EP400: variants seen among roughly 807,000 people sequenced by gnomAD.
The protein encoded by EP400 is E1A-binding protein p400.
A neutral mutation model predicts 354.1 loss-of-function variants in EP400; 105 were observed. That is an observed-to-expected ratio of 0.30 (90% CI 0.25 to 0.35). The LOEUF is 0.35. Ranked by LOEUF, EP400 falls within the 10% of genes least tolerant of loss-of-function variation. The pLI is 1.00. For missense variants in EP400, 3,280 were observed against 4,121.0 expected (o/e 0.80, Z 5.59); for synonymous variants, 1,646 against 1,716.9 (o/e 0.96, Z 1.02).
At chr12:132,021,470 G>A in intron 23 of EP400, 149 bp downstream of exon 23, 1 of 1,221,162 alleles carries the variant, frequency 8.2e-7, no homozygotes, top group Non-Finnish European at 1.1e-6. Flanking sequence ...CAGTGCAGCT[G>A]CCTCCGGCAT....
At chr12:131,965,185 G>T (rs1010146776) in intron 2 of EP400, among the ~76,000 whole-genome samples, 1 of 152,210 alleles carries the variant, frequency 6.6e-6, no homozygotes, top group Non-Finnish European at 1.5e-5. Context: ...CCTATAACTA[G>T]TAATGTTAAC....
chr12:131,995,055 G>A, intron 12 of EP400, 99 bp downstream of exon 12: 1 of 1,180,090 alleles, frequency 8.5e-7, no homozygotes, highest in Non-Finnish European at 1.2e-6. Context: ...AACAGCAGCA[G>A]TGCCTGTTTT....
Position 132,062,390 on chromosome 12 carries a change from GC to G in EP400, c.8098+68del. Reference sequence around the variant, plus strand: ...TGGCGCGTGTGAGGGCTCAGCTGCTGCTTGCTGTCTGAGAATGAGGATCTGA... The same window carrying G: ...TGGCGCGTGTGAGGGCTCAGCTGCTGTTGCTGTCTGAGAATGAGGATCTGA... On this transcript the variant is annotated intron_variant, in intron 46 of 52. Coordinates refer to ENST00000389561, the MANE Select transcript of EP400 (RefSeq NM_015409.5). The G allele has an allele frequency of 1.9e-6, 3 of 1,610,232 alleles. 1 individual carries two copies. In the South Asian group the frequency reaches 3.3e-5, roughly 18 times the overall value.
intron 19 of EP400, 122 bp downstream of exon 19, chr12:132,014,035 C>G: frequency 2.2e-6 from 3 of 1,337,006 alleles, no homozygotes; most frequent in Non-Finnish European, 3.1e-6. Context: ...GAGCTGGAGA[C>G]CGAGGCACCC....
Position 132,050,252 on chromosome 12 carries a change from A to G in EP400, c.7201-71A>G. The G allele has an allele frequency of 6.4e-7, 1 of 1,566,316 alleles. No homozygotes were observed. Among genetic ancestry groups the G allele is most frequent in the Non-Finnish European group, 8.7e-7 (1 of 1,150,162 alleles). ...TTTAGCCTCAGATTCCCACCCAGTG[A>G]GCCCTGTGTCCCACGCAGCCGTCTG... On this transcript the variant is annotated intron_variant, in intron 39 of 52. Transcript: ENST00000389561. This position sits in a 1 kb window ranked among gnomAD's most constrained non-coding sequence, Gnocchi z 4.8.
intron 30 of EP400, among the ~76,000 whole-genome samples, chr12:132,034,955 A>T (rs1282463686): frequency 6.6e-6 from 1 of 152,212 alleles, no homozygotes; most frequent in African/African-American, 2.4e-5. Flanking sequence ...CGTTGTACAG[A>T]TACGGTGAGC....
intron 46 of EP400, 34 bp from the exon 47 acceptor site, chr12:132,062,432 C>T: frequency 6.2e-7 from 1 of 1,611,856 alleles, no homozygotes; most frequent in Non-Finnish European, 8.5e-7. Flanking sequence ...GGCGAGTATC[C>T]CTGTCCAGAC....
chr12:132,009,013 A>G (rs1161627557), intron 15 of EP400, among the ~76,000 whole-genome samples: 1 of 139,264 alleles, frequency 7.2e-6, no homozygotes, highest in Non-Finnish European at 1.5e-5. Flanking sequence ...TCCCAGGTGC[A>G]AGTGATCCTC....
chr12:131,959,717 T>C (rs1221727337), intron 1 of EP400, among the ~76,000 whole-genome samples: 2 of 152,212 alleles, frequency 1.3e-5, no homozygotes, highest in Non-Finnish European at 2.9e-5. Flanking sequence ...CTTCTCACAG[T>C]TTCTTCTCTT....
At chr12:132,058,876 TCA>T (rs920320602) in intron 45 of EP400, among the ~76,000 whole-genome samples, 26 of 150,774 alleles carry the variant, frequency 1.7e-4, no homozygotes, top group Admixed American at 1.3e-3. Flanking sequence ...AGCCTCACAC[TCA>T]CAGGCTGAAG....
chr12:131,999,232 C>T (rs1033794125), intron 12 of EP400, among the ~76,000 whole-genome samples: 1 of 152,042 alleles, frequency 6.6e-6, no homozygotes, highest in African/African-American at 2.4e-5. Flanking sequence ...AATGGGATAA[C>T]CAGTGTTCTT....
chr12:132,005,030 AGTT>A (rs775893813), intron 12 of EP400, 44 bp from the exon 13 acceptor site: 200 of 1,419,742 alleles, frequency 1.4e-4, no homozygotes, highest in Admixed American at 1.6e-4. Context: ...TTTAAATTAC[AGTT>A]GTTGTTATAA....
rs190471718 is a variant in EP400, at chr12:131,970,873, C to A, written c.1336-8821C>A. Reference sequence around the variant, plus strand: ...TTTGTTTGGTGAGAATGGCTAAGATCTACTCTTTCAGCAAGTTCCAAGTAT... The same window carrying A: ...TTTGTTTGGTGAGAATGGCTAAGATATACTCTTTCAGCAAGTTCCAAGTAT... On this transcript the variant is annotated intron_variant, in intron 2 of 52. Transcript: ENST00000389561. Among the ~76,000 whole-genome samples, 238 of 152,268 alleles carry A rather than the reference C, an allele frequency of 1.6e-3. 1 individual carries two copies. The highest frequency in any genetic ancestry group is 5.5e-3 in the African/African-American group (227 of 41,548).
chr12:132,062,522 A>G lies in EP400; in HGVS notation c.8155A>G (p.Arg2719Gly), dbSNP rs1252013629. The change falls in exon 47 of 53, where the codon AGG (arginine) becomes GGG (glycine). Residue 2719 changes from arginine (R) to glycine (G), a missense_variant. Physicochemically the swap from Arg to Gly is moderately radical, Grantham distance 125 (BLOSUM62 -2). Transcript: ENST00000389561. ...CACACCTGCACATTTCCAGCTTCTC[A>G]GGCAGCAGCAGCAGCAGCAGCAACA... ...TITPAHFQLL[R>G]QQQQQQQQQQ... 6.3e-7 allele frequency: 1 copy of G among 1,594,084 alleles called. No individual in the cohort carries two copies. The highest frequency in any genetic ancestry group is 8.5e-7 in the Non-Finnish European group (1 of 1,175,688).
In EP400 at chr12:132,027,203, G is replaced by A. The variant is rs1375119680; in HGVS notation, c.5015-234G>A. On this transcript the variant is annotated intron_variant, in intron 25 of 52. Coordinates refer to ENST00000389561, the MANE Select transcript of EP400 (RefSeq NM_015409.5). This position sits in a 1 kb window ranked among gnomAD's most constrained non-coding sequence, Gnocchi z 4.9. ...AAGCTGCTGGCTCCATTCAGCTCCA[G>A]TCATGGCCTGCGAGCCAGCATGCTT... is the stretch of plus-strand genomic sequence containing the variant. 6.6e-6 allele frequency among the ~76,000 whole-genome samples: 1 copy of A among 152,222 alleles called. No individual in the cohort carries two copies. Among genetic ancestry groups the A allele is most frequent in the Non-Finnish European group, 1.5e-5 (1 of 68,044 alleles).
rs779743056 is a variant in EP400 at position 132,038,990 on chromosome 12, T to A, written c.6207+894T>A. 2.6e-5 allele frequency among the ~76,000 whole-genome samples: 4 copies of A among 152,202 alleles called. No individual in the cohort carries two copies. The highest frequency in any genetic ancestry group is 5.9e-5 in the Non-Finnish European group (4 of 68,042). On this transcript the variant is annotated intron_variant, in intron 32 of 52. Transcript: ENST00000389561. This position sits in a 1 kb window ranked among gnomAD's most constrained non-coding sequence, Gnocchi z 4.2. ...GCATGACTGCATGGGCTTCTCTGTA[T>A]GTTTTTTCTTTTCTGTGAAAGTGTT...
At chr12:132,024,934 G>C (rs1274446633) in intron 24 of EP400, among the ~76,000 whole-genome samples, 1 of 151,898 alleles carries the variant, frequency 6.6e-6, no homozygotes, top group African/African-American at 2.4e-5. Context: ...TGTGGCACTT[G>C]TCAGGGTGGA....
rs1361342854 is a variant in EP400 at position 132,075,577 on chromosome 12, C to T, written c.9022-939C>T. The T allele has an allele frequency of 6.6e-6, 1 of 152,132 alleles. No individual in the cohort carries two copies. The highest frequency in any genetic ancestry group is 1.5e-5 in the Non-Finnish European group (1 of 68,026). 9.4% of individuals were successfully genotyped at this position (152,132 alleles called of 1,614,324 possible). A position where few individuals can be genotyped will look rare whatever the true frequency, so the allele number is the denominator to read the frequency against. ...GCAGTTCCACAGGGGGCGCTCAGGG[C>T]ACTTATCTTAGTGAATTTTATTTAT... On this transcript the variant is annotated intron_variant, in intron 51 of 52. Coordinates refer to ENST00000389561, the MANE Select transcript of EP400 (RefSeq NM_015409.5). This position sits in a 1 kb window ranked among gnomAD's most constrained non-coding sequence, Gnocchi z 4.5.
chr12:132,008,191 G>A (rs890093986), intron 15 of EP400, among the ~76,000 whole-genome samples: 3 of 152,138 alleles, frequency 2.0e-5, no homozygotes, highest in East Asian at 3.9e-4. Context: ...CAGGTGATCC[G>A]CCTGCCTTGA....
Sources: allele counts gnomAD v4.1 joint callset (sites outside exome capture counted in the v4.1 genomes callset), GRCh38; gene constraint gnomAD v4.1.1; non-coding constraint Gnocchi (gnomAD v3.1); transcripts MANE v1.5; gene names NCBI Gene and HGNC (gene_info 2026-07-23, HGNC 2026-07-21).